Variants in PRKG1 observed in about 807,000 individuals in gnomAD.
PRKG1 encodes cGMP-dependent protein kinase 1.
A neutral mutation model predicts 88.1 loss-of-function variants in PRKG1; 35 were observed. The ratio of observed to expected loss-of-function variants is 0.40; its 90% CI spans 0.30 to 0.53. The LOEUF is 0.53. Among genes scored for constraint, PRKG1 ranks in the 20% least tolerant of loss-of-function variants. The pLI is 0.59. For missense variants in PRKG1, 540 were observed against 839.8 expected (o/e 0.64, Z 4.41); for synonymous variants, 303 against 292.5 (o/e 1.04, Z -0.37).
chr10:51,547,050 G>A (rs1366746529), intron 3 of PRKG1, among the ~76,000 whole-genome samples: 1 of 6,752 alleles, frequency 1.5e-4, no homozygotes, highest in Non-Finnish European at 7.6e-4. Flanking sequence ...GTAGGTGTTG[G>A]CCTCTACCAG....
At chr10:51,194,958 A>C (rs1837725133) in intron 2 of PRKG1, among the ~76,000 whole-genome samples, 1 of 152,168 alleles carries the variant, frequency 6.6e-6, no homozygotes, top group Non-Finnish European at 1.5e-5. Flanking sequence ...ATGGCCTAAT[A>C]ACCTCTTAAA....
chr10:51,791,748 A>T (rs1002415105), intron 3 of PRKG1, among the ~76,000 whole-genome samples: 4 of 152,028 alleles, frequency 2.6e-5, no homozygotes, highest in African/African-American at 9.7e-5. Context: ...GAGGGGGAAA[A>T]ATTCTAGTTG....
At chr10:52,131,261 G>T (rs1837249788) in intron 7 of PRKG1, among the ~76,000 whole-genome samples, 1 of 152,158 alleles carries the variant, frequency 6.6e-6, no homozygotes, top group Admixed American at 6.6e-5. Flanking sequence ...CCCTCATAGG[G>T]TTTAGTGGAA....
intron 17 of PRKG1, among the ~76,000 whole-genome samples, chr10:52,292,049 T>C (rs1209007868): frequency 1.3e-5 from 2 of 152,218 alleles, no homozygotes; most frequent in Non-Finnish European, 2.9e-5. Context: ...TTTGGCTGCA[T>C]AAATGTCTTC....
At chr10:52,115,454 C>T (rs1040150243) in intron 7 of PRKG1, among the ~76,000 whole-genome samples, 2 of 152,140 alleles carry the variant, frequency 1.3e-5, no homozygotes, top group African/African-American at 2.4e-5. Context: ...ATTCCCTATA[C>T]ACAATACTTC....
intron 2 of PRKG1, among the ~76,000 whole-genome samples, chr10:51,170,410 C>G (rs1846671718): frequency 6.7e-6 from 1 of 149,540 alleles, no homozygotes; most frequent in Non-Finnish European, 1.5e-5. Flanking sequence ...CAGTAGTTCA[C>G]AACTGATTTT....
chr10:51,260,683 G>T (rs1470333623), intron 2 of PRKG1, among the ~76,000 whole-genome samples: 1 of 152,138 alleles, frequency 6.6e-6, no homozygotes, highest in African/African-American at 2.4e-5. Flanking sequence ...AATCAATTCT[G>T]CTCATGGAGA....
chr10:51,671,398 G>A lies in PRKG1; in HGVS notation c.593-133187G>A, dbSNP rs544728666. Among the ~76,000 whole-genome samples, 11 of 152,304 alleles carry A rather than the reference G, an allele frequency of 7.2e-5. No individual in the cohort carries two copies. In the East Asian group the frequency reaches 1.4e-3, roughly 19 times the overall value. ...GAAGTTCAAGATCAAAATGTTGGCA[G>A]GGCCATGATCCCTCTGTAATCTCTA... On this transcript the variant is annotated intron_variant, in intron 3 of 17. Coordinates refer to ENST00000373980, the MANE Select transcript of PRKG1 (RefSeq NM_006258.4).
At chr10:52,232,695 C>A (rs1367568599) in intron 9 of PRKG1, among the ~76,000 whole-genome samples, 1 of 152,180 alleles carries the variant, frequency 6.6e-6, no homozygotes, top group Non-Finnish European at 1.5e-5. Context: ...CGTGTGACTA[C>A]TTCTGCTTCT....
intron 2 of PRKG1, among the ~76,000 whole-genome samples, chr10:51,218,259 A>C (rs1038336257): frequency 6.6e-6 from 1 of 151,934 alleles, no homozygotes; most frequent in Admixed American, 6.6e-5. Context: ...TTTGTAACAA[A>C]AACGTTGCTC....
chr10:51,877,129 A>G (rs561946571), intron 4 of PRKG1, among the ~76,000 whole-genome samples: 1 of 151,422 alleles, frequency 6.6e-6, no homozygotes, highest in Admixed American at 6.6e-5. Context: ...CCCCCCATGC[A>G]CCCTCCCATG....
intron 4 of PRKG1, among the ~76,000 whole-genome samples, chr10:51,822,388 G>C (rs997014058): frequency 6.6e-6 from 1 of 152,022 alleles, no homozygotes; most frequent in East Asian, 1.9e-4. Flanking sequence ...CTAAAAACAA[G>C]AGCGTGAACT....
rs141536516 is a variant in PRKG1 at position 51,227,436 on chromosome 10, CTT to C, written c.478+74110_478+74111del. ...CTAGCCCTTCAGGTGTTCTTGTTCT[CTT>C]TTTGAATGCTGGTACCCTCAATTTA... On this transcript the variant is annotated intron_variant, in intron 2 of 17. Transcript: ENST00000373980. 5.3e-3 allele frequency among the ~76,000 whole-genome samples: 802 copies of C among 152,172 alleles called. 7 individuals carry two copies. The highest frequency in any genetic ancestry group is 0.018 in the African/African-American group (761 of 41,522).
At chr10:51,624,842 A>T (rs2132267983) in intron 3 of PRKG1, among the ~76,000 whole-genome samples, 1 of 152,346 alleles carries the variant, frequency 6.6e-6, no homozygotes, top group South Asian at 2.1e-4. Flanking sequence ...TCTCACTCAT[A>T]TGTTGAATCT....
chr10:51,492,394 A>G (rs1380294387), intron 3 of PRKG1, among the ~76,000 whole-genome samples: 2 of 152,138 alleles, frequency 1.3e-5, no homozygotes, highest in Non-Finnish European at 2.9e-5. Flanking sequence ...GGCTATTTGC[A>G]TTAGGTGTTG....
chr10:51,731,293 T>C (rs778108151), intron 3 of PRKG1, among the ~76,000 whole-genome samples: 4 of 152,134 alleles, frequency 2.6e-5, no homozygotes, highest in African/African-American at 9.7e-5. Flanking sequence ...GATTTCAAGT[T>C]TGGGAATAAA....
chr10:52,279,088 AATAATC>A (rs1334372912), intron 12 of PRKG1, among the ~76,000 whole-genome samples: 2 of 152,110 alleles, frequency 1.3e-5, no homozygotes, highest in Non-Finnish European at 2.9e-5. Context: ...CTTTAAGGTA[AATAATC>A]TCTTCAAATG....
At chr10:52,078,978 C>G (rs1447157094) in intron 7 of PRKG1, among the ~76,000 whole-genome samples, 1 of 152,204 alleles carries the variant, frequency 6.6e-6, no homozygotes, top group East Asian at 1.9e-4. Flanking sequence ...GATGTGCCTA[C>G]AGGCAAATAT....
chr10:51,518,218 G>A (rs11595389), intron 3 of PRKG1, among the ~76,000 whole-genome samples: 30,212 of 151,996 alleles, frequency 0.2, 3,914 homozygotes, highest in Middle Eastern at 0.32. Flanking sequence ...GGCTGGTCTC[G>A]AACTCCTGGC....
Sources: allele counts gnomAD v4.1 joint callset (sites outside exome capture counted in the v4.1 genomes callset), GRCh38; gene constraint gnomAD v4.1.1; transcripts MANE v1.5; gene names NCBI Gene and HGNC (gene_info 2026-07-23, HGNC 2026-07-21).